Variants in VTI1A observed in about 807,000 individuals in gnomAD.
The protein encoded by VTI1A is vesicle transport through interaction with t-SNAREs homolog 1A.
In VTI1A, 22 loss-of-function variants were observed where a neutral mutation model predicts 34.9. That is an observed-to-expected ratio of 0.63 (90% confidence interval 0.45 to 0.90). The LOEUF (loss-of-function observed/expected upper bound fraction) is 0.90, where lower values mean the gene tolerates loss of function less well. Ranked by LOEUF, VTI1A falls within the 40% of genes least tolerant of loss-of-function variation. VTI1A has a pLI of 0.00. For synonymous variants in VTI1A, 87 were observed against 97.3 expected (o/e 0.89, Z 0.62); for missense variants, 268 against 275.6 (o/e 0.97, Z 0.20).
chr10:112,775,289 A>T (rs1851929568), intron 7 of VTI1A, among the ~76,000 whole-genome samples: 1 of 152,222 alleles, frequency 6.6e-6, no homozygotes, highest in African/African-American at 2.4e-5. Flanking sequence ...CAAGAGCCTC[A>T]TCGATCTCTT....
intron 5 of VTI1A, among the ~76,000 whole-genome samples, chr10:112,539,176 G>C (rs555755188): frequency 6.6e-6 from 1 of 152,192 alleles, no homozygotes; most frequent in Admixed American, 6.5e-5. Flanking sequence ...ATTTTGGATA[G>C]CTCTTGCCCA....
intron 5 of VTI1A, among the ~76,000 whole-genome samples, chr10:112,581,691 G>T (rs1045152254): frequency 3.3e-5 from 5 of 152,202 alleles, no homozygotes; most frequent in African/African-American, 1.2e-4. Flanking sequence ...CTATAGATCA[G>T]CGACAGCATT....
chr10:112,614,015 T>C (rs1353446663), intron 5 of VTI1A, among the ~76,000 whole-genome samples: 5 of 152,206 alleles, frequency 3.3e-5, no homozygotes, highest in Admixed American at 1.3e-4. Flanking sequence ...ATGTTTCATA[T>C]GGTGAAAATA....
At chr10:112,579,142 G>A (rs1345210904) in intron 5 of VTI1A, among the ~76,000 whole-genome samples, 1 of 152,204 alleles carries the variant, frequency 6.6e-6, no homozygotes, top group African/African-American at 2.4e-5. Flanking sequence ...TACCCTTGAT[G>A]CAGCATCAGG....
chr10:112,782,185 C>T (rs1050694719), intron 7 of VTI1A, among the ~76,000 whole-genome samples: 2 of 152,258 alleles, frequency 1.3e-5, no homozygotes, highest in Non-Finnish European at 2.9e-5. Context: ...CAGAATGGAA[C>T]CAGATCATTT....
At chr10:112,569,581 A>G (rs1254754792) in intron 5 of VTI1A, among the ~76,000 whole-genome samples, 1 of 152,248 alleles carries the variant, frequency 6.6e-6, no homozygotes, top group Non-Finnish European at 1.5e-5. Flanking sequence ...AAGCAGTGCC[A>G]TCTGTAATGA....
chr10:112,839,246 G>C, the VTI1A span, among the ~76,000 whole-genome samples: 1 of 152,184 alleles, frequency 6.6e-6, no homozygotes, highest in Non-Finnish European at 1.5e-5. Flanking sequence ...GTCTGGCAGG[G>C]GAGGCTGACA....
At chr10:112,485,665 T>G (rs954816521) in intron 3 of VTI1A, among the ~76,000 whole-genome samples, 1 of 152,268 alleles carries the variant, frequency 6.6e-6, no homozygotes, top group African/African-American at 2.4e-5. Flanking sequence ...TTAGATATTG[T>G]TTGTACACAT....
chr10:112,694,403 T>C, intron 7 of VTI1A, among the ~76,000 whole-genome samples: 1 of 151,782 alleles, frequency 6.6e-6, no homozygotes, highest in South Asian at 2.1e-4. Context: ...GATGGATGGA[T>C]GGACGGACGG....
At chr10:112,746,408 C>T (rs1160570103) in intron 7 of VTI1A, among the ~76,000 whole-genome samples, 1 of 152,184 alleles carries the variant, frequency 6.6e-6, no homozygotes, top group Non-Finnish European at 1.5e-5. Flanking sequence ...TTTCAGTGCC[C>T]TGGCACCTAC....
the VTI1A span, among the ~76,000 whole-genome samples, chr10:112,854,351 A>G: frequency 6.6e-6 from 1 of 152,238 alleles, no homozygotes; most frequent in Non-Finnish European, 1.5e-5. Flanking sequence ...AGAACAATTA[A>G]GAAACTTGAT....
intron 7 of VTI1A, among the ~76,000 whole-genome samples, chr10:112,715,395 A>G (rs1170781137): frequency 6.6e-6 from 1 of 152,162 alleles, no homozygotes; most frequent in Non-Finnish European, 1.5e-5. Flanking sequence ...ACAGAAAAAA[A>G]ATTGTTTTTA....
At chr10:112,708,298 C>T (rs1849271882) in intron 7 of VTI1A, among the ~76,000 whole-genome samples, 1 of 152,198 alleles carries the variant, frequency 6.6e-6, no homozygotes, top group Non-Finnish European at 1.5e-5. Flanking sequence ...AAGACTTGGC[C>T]TCCACCAGGC....
intron 5 of VTI1A, among the ~76,000 whole-genome samples, chr10:112,584,246 G>A (rs1321369717): frequency 1.3e-5 from 2 of 152,162 alleles, no homozygotes; most frequent in Non-Finnish European, 2.9e-5. Context: ...CTAGCATCCT[G>A]CAAGTCATTG....
chr10:112,845,095 T>C, the VTI1A span, among the ~76,000 whole-genome samples: 17 of 152,298 alleles, frequency 1.1e-4, no homozygotes, highest in African/African-American at 3.8e-4. Context: ...ATTTTCATTA[T>C]TCCCTGGCGG....
the VTI1A span, among the ~76,000 whole-genome samples, chr10:112,838,907 A>C: frequency 6.6e-6 from 1 of 152,196 alleles, no homozygotes; most frequent in Admixed American, 6.5e-5. Flanking sequence ...CTGACTTTGC[A>C]GGGTTGCCAT....
At chr10:112,525,611 G>C (rs897032182) in intron 3 of VTI1A, among the ~76,000 whole-genome samples, 1 of 152,106 alleles carries the variant, frequency 6.6e-6, no homozygotes, top group Non-Finnish European at 1.5e-5. Flanking sequence ...TTTCAACTGG[G>C]TTCTGCCAGA....
At chr10:112,685,772 A>T (rs1210362854) in intron 7 of VTI1A, among the ~76,000 whole-genome samples, 4 of 151,888 alleles carry the variant, frequency 2.6e-5, no homozygotes, top group Admixed American at 2.6e-4. Context: ...GCAAATGGAG[A>T]GCTGCTTGAT....
At chr10:112,757,367 T>A (rs1292983114) in intron 7 of VTI1A, among the ~76,000 whole-genome samples, 1 of 132,210 alleles carries the variant, frequency 7.6e-6, no homozygotes, top group African/African-American at 2.9e-5. Flanking sequence ...TTTTTTTTTT[T>A]TTTTTTTTTT....
Sources: gnomAD v4.1 joint callset for allele counts (sites outside exome capture counted in the v4.1 genomes callset) on GRCh38, gnomAD v4.1.1 for gene constraint, MANE v1.5 for transcripts, NCBI Gene and HGNC (gene_info 2026-07-23, HGNC 2026-07-21) for gene names.